Variants in C9orf85 observed in about 807,000 individuals in gnomAD.
C9orf85 encodes the protein chromosome 9 open reading frame 85, also known as uncharacterized protein C9orf85.
C9orf85 carries 16 observed loss-of-function variants against 14.9 expected under a neutral mutation model. The observed-to-expected ratio is 1.08, with a 90% CI of 0.73 to 1.63. C9orf85 has a LOEUF of 1.63. Ranked by LOEUF, C9orf85 falls within the 40% of genes most tolerant of loss-of-function variation. The probability of loss-of-function intolerance (pLI) is 0.00; values close to 1 mark genes in which losing one functional copy is unlikely to be tolerated. For synonymous variants in C9orf85, 45 were observed against 56.8 expected, an observed-to-expected ratio of 0.79 and a Z score of 0.93; for missense variants, 172 against 186.1, an observed-to-expected ratio of 0.92 and a Z score of 0.44.
intron 2 of C9orf85, among the ~76,000 whole-genome samples, chr9:71,954,283 G>A (rs1822325218): frequency 6.7e-6 from 1 of 148,402 alleles, no homozygotes; most frequent in Admixed American, 6.7e-5. Flanking sequence ...TGGTCGGGGG[G>A]AGGGGGTCCT....
chr9:71,936,477 A>G (rs1828194841), intron 1 of C9orf85, among the ~76,000 whole-genome samples: 1 of 151,962 alleles, frequency 6.6e-6, no homozygotes, highest in Non-Finnish European at 1.5e-5. Context: ...TTCAGGAAAG[A>G]CATATTATTT....
rs114879790 is a variant in C9orf85 at position 71,929,111 on chromosome 9, G to C, written c.102+17275G>C. On this transcript the variant is annotated intron_variant, in intron 1 of 3. Coordinates refer to ENST00000334731, the MANE Select transcript of C9orf85 (RefSeq NM_182505.5). ...CTTTGAGGAAGTTAGTTTTAAGATG[G>C]TCATTGTCCTCTTACACCTGCCCCA... Among the ~76,000 whole-genome samples the C allele has an allele frequency of 2.7e-3, 410 of 152,218 alleles. 2 individuals are homozygous for C. The highest frequency in any genetic ancestry group is 8.8e-3 in the African/African-American group (365 of 41,526).
chr9:71,977,910 TG>T (rs1379279976), downstream of C9orf85, among the ~76,000 whole-genome samples: 6 of 152,166 alleles, frequency 3.9e-5, no homozygotes, highest in Non-Finnish European at 5.9e-5. Flanking sequence ...TCATACCTAC[TG>T]AAAAAAATCA....
At chr9:71,960,340 C>T (rs1304047315) in intron 2 of C9orf85, among the ~76,000 whole-genome samples, 2 of 152,072 alleles carry the variant, frequency 1.3e-5, no homozygotes, top group Non-Finnish European at 2.9e-5. Context: ...CATTCATTTG[C>T]TCTTGTTACT....
chr9:71,967,959 G>A (rs1433048021), intron 2 of C9orf85, among the ~76,000 whole-genome samples: 1 of 151,812 alleles, frequency 6.6e-6, no homozygotes, highest in Non-Finnish European at 1.5e-5. Flanking sequence ...TTATATTTTT[G>A]TAAAGCTTTT....
At chr9:71,943,920 A>G (rs1372221957) in intron 1 of C9orf85, among the ~76,000 whole-genome samples, 4 of 151,698 alleles carry the variant, frequency 2.6e-5, no homozygotes, top group African/African-American at 7.3e-5. Context: ...TAAAGCAGCA[A>G]TAACAACACT....
chr9:71,913,572 T>C (rs1827571549), intron 1 of C9orf85, among the ~76,000 whole-genome samples: 1 of 152,194 alleles, frequency 6.6e-6, no homozygotes, highest in African/African-American at 2.4e-5. Flanking sequence ...GGGAAGACTT[T>C]CCCAAGTTTG....
intron 1 of C9orf85, among the ~76,000 whole-genome samples, chr9:71,937,905 A>C (rs1343872907): frequency 6.6e-6 from 1 of 152,146 alleles, no homozygotes; most frequent in African/African-American, 2.4e-5. Context: ...ATTTCTCTCT[A>C]ATTAGCTATG....
chr9:71,917,137 A>AT (rs1388142072), intron 1 of C9orf85, among the ~76,000 whole-genome samples: 1 of 152,220 alleles, frequency 6.6e-6, no homozygotes. Context: ...TGTATGTGTG[A>AT]TTTTAAAAAA....
intron 3 of C9orf85, among the ~76,000 whole-genome samples, chr9:71,972,102 TAAG>T (rs1260004300): frequency 6.6e-6 from 1 of 151,976 alleles, no homozygotes; most frequent in African/African-American, 2.4e-5. Context: ...ACTATATTTT[TAAG>T]AAAATAAAAT....
intron 1 of C9orf85, among the ~76,000 whole-genome samples, chr9:71,930,419 C>T (rs1828042704): frequency 6.6e-6 from 1 of 151,964 alleles, no homozygotes; most frequent in South Asian, 2.1e-4. Flanking sequence ...CTGTTTTTCC[C>T]CAAAATACTT....
intron 1 of C9orf85, among the ~76,000 whole-genome samples, chr9:71,931,113 A>G (rs550380963): frequency 4.6e-5 from 7 of 152,346 alleles, no homozygotes; most frequent in African/African-American, 1.4e-4. Flanking sequence ...TGATTTCTGT[A>G]CAGTGCAGTA....
At chr9:71,912,365 C>A (rs567986391) in intron 1 of C9orf85, among the ~76,000 whole-genome samples, 9 of 152,202 alleles carry the variant, frequency 5.9e-5, no homozygotes, top group African/African-American at 2.2e-4. Context: ...ACTTGTTTTG[C>A]TGTTTATCTT....
chr9:71,918,180 A>T (rs1291356533), intron 1 of C9orf85, among the ~76,000 whole-genome samples: 1 of 152,096 alleles, frequency 6.6e-6, no homozygotes, highest in Non-Finnish European at 1.5e-5. Context: ...GGGAAAAAAA[A>T]TAGGTATTAC....
At chr9:71,918,443 AGT>A in intron 1 of C9orf85, 1 of 1,303,346 alleles carries the variant, frequency 7.7e-7, no homozygotes, top group Non-Finnish European at 1.0e-6. Flanking sequence ...TGCAAACTCT[AGT>A]CATGATGTTT....
chr9:71,920,619 G>C (rs1249785619), intron 1 of C9orf85, among the ~76,000 whole-genome samples: 1 of 152,136 alleles, frequency 6.6e-6, no homozygotes, highest in African/African-American at 2.4e-5. Context: ...AAATATTACT[G>C]TGAGGTCACA....
chr9:71,949,697 T>C (rs547038518), intron 2 of C9orf85, among the ~76,000 whole-genome samples: 5 of 152,150 alleles, frequency 3.3e-5, no homozygotes, highest in Non-Finnish European at 5.9e-5. Flanking sequence ...GGTTTTATGC[T>C]AGGTTTGATG....
chr9:71,946,966 C>T, intron 1 of C9orf85, 40 bp from the exon 2 acceptor site: 1 of 1,412,332 alleles, frequency 7.1e-7, no homozygotes. Context: ...TGCTGGCTCA[C>T]GCGTGAAATT....
At chr9:71,928,215 A>T (rs79319140) in intron 1 of C9orf85, among the ~76,000 whole-genome samples, 14 of 133,742 alleles carry the variant, frequency 1.0e-4, no homozygotes, top group African/African-American at 3.9e-4. Flanking sequence ...AAAAAAAAAA[A>T]GGCAATGGCT....
Sources: gnomAD v4.1 joint callset for allele counts (sites outside exome capture counted in the v4.1 genomes callset) on GRCh38, gnomAD v4.1.1 for gene constraint, MANE v1.5 for transcripts, NCBI Gene and HGNC (gene_info 2026-07-23, HGNC 2026-07-21) for gene names.